DPY19L1: variants seen among roughly 807,000 people sequenced by gnomAD.
DPY19L1 encodes protein C-mannosyl-transferase DPY19L1.
In DPY19L1, 35 loss-of-function variants were observed where a neutral mutation model predicts 96.9. That is an observed-to-expected ratio of 0.36 (90% CI 0.28 to 0.48). DPY19L1 has a LOEUF of 0.48. DPY19L1 is among the 20% of genes least tolerant of loss of function. The pLI, the probability that DPY19L1 is intolerant of heterozygous loss-of-function variation, is 0.99. For missense variants in DPY19L1, 521 were observed against 777.9 expected (o/e 0.67, Z 3.93); for synonymous variants, 205 against 252.6 (o/e 0.81, Z 1.79).
At chr7:34,968,854 G>C (rs1784666331) in intron 9 of DPY19L1, among the ~76,000 whole-genome samples, 1 of 147,820 alleles carries the variant, frequency 6.8e-6, no homozygotes, top group South Asian at 2.2e-4. Context: ...ATAGTACGCA[G>C]GGAGAAAAAT....
At chr7:34,986,150 CA>C (rs1785042520) in intron 7 of DPY19L1, among the ~76,000 whole-genome samples, 1 of 151,914 alleles carries the variant, frequency 6.6e-6, no homozygotes, top group Non-Finnish European at 1.5e-5. Flanking sequence ...ACCAGAGGCT[CA>C]GGGGAGAGAT....
At chr7:34,999,886 T>C (rs1430117543) in intron 6 of DPY19L1, among the ~76,000 whole-genome samples, 1 of 152,188 alleles carries the variant, frequency 6.6e-6, no homozygotes. Context: ...GTCATAATAA[T>C]GTAACTGCGG....
At chr7:35,027,198 C>G (rs1786141205) in intron 1 of DPY19L1, among the ~76,000 whole-genome samples, 1 of 151,878 alleles carries the variant, frequency 6.6e-6, no homozygotes, top group African/African-American at 2.4e-5. Flanking sequence ...GAGCAAAACT[C>G]CGTCTCAAAG....
At chr7:34,993,461 C>T (rs1352828755) in intron 6 of DPY19L1, among the ~76,000 whole-genome samples, 1 of 151,206 alleles carries the variant, frequency 6.6e-6, no homozygotes, top group Non-Finnish European at 1.5e-5. Flanking sequence ...TGTTATCACA[C>T]TATTTTTATT....
intron 6 of DPY19L1, among the ~76,000 whole-genome samples, chr7:35,008,514 T>C (rs1308853583): frequency 2.6e-5 from 4 of 152,170 alleles, no homozygotes; most frequent in African/African-American, 4.8e-5. Flanking sequence ...CTTTAACGGA[T>C]GTTTACAAAT....
chr7:34,931,856 T>C, intron 21 of DPY19L1, 127 bp from the exon 22 acceptor site: 6 of 1,331,180 alleles, frequency 4.5e-6, no homozygotes, highest in Non-Finnish European at 6.0e-6. Context: ...TTTTAAACAA[T>C]CCTGTTACAT....
At chr7:35,008,160 C>T (rs1785610252) in intron 6 of DPY19L1, among the ~76,000 whole-genome samples, 1 of 152,106 alleles carries the variant, frequency 6.6e-6, no homozygotes, top group Admixed American at 6.5e-5. Flanking sequence ...GTAGCCCCTC[C>T]ATGCAGAACA....
intron 1 of DPY19L1, among the ~76,000 whole-genome samples, chr7:35,027,668 T>TGAAAAAAAAAAAAAAAAAA: frequency 1.4e-5 from 1 of 71,386 alleles, no homozygotes; most frequent in East Asian, 3.8e-4. Context: ...CCGTCTCTAC[T>TGAAAAAAAAAAAAAAAAAA]AAAAAAAAAA....
intron 3 of DPY19L1, among the ~76,000 whole-genome samples, chr7:35,016,338 CAT>C (rs1433392741): frequency 6.6e-6 from 1 of 152,138 alleles, no homozygotes; most frequent in Admixed American, 6.5e-5. Context: ...TCCATCATAT[CAT>C]AATGATACTC....
At chr7:34,942,209 A>G (rs1784035363) in intron 17 of DPY19L1, among the ~76,000 whole-genome samples, 1 of 152,186 alleles carries the variant, frequency 6.6e-6, no homozygotes, top group South Asian at 2.1e-4. Context: ...TGCTGCCTCA[A>G]GATCTGAGGG....
At position 34,938,011 on chromosome 7, in the gene DPY19L1, C is replaced by T. The variant is rs1783908444; in HGVS notation, c.2073G>A (p.Trp691Ter). ...KVNYYILEES[W>*]CVRRSKPGCS... ...ATACTCACTTGGATCTTCTTACACA[C>T]CATGACTCTTCTAGAATGTAATAGT... is the stretch of plus-strand genomic sequence containing the variant. The change falls in exon 21 of 22, where the codon TGG becomes TGA. Residue 691 changes from tryptophan to a stop codon, truncating the protein, a stop_gained. Transcript: ENST00000638088. LOFTEE classifies it high-confidence loss of function. 1 of 1,613,580 alleles carries T rather than the reference C, an allele frequency of 6.2e-7. No individual in the cohort carries two copies. The highest frequency in any genetic ancestry group is 1.3e-5 in the African/African-American group (1 of 74,916).
chr7:35,015,108 A>C (rs1179427344), intron 3 of DPY19L1, among the ~76,000 whole-genome samples: 2 of 152,196 alleles, frequency 1.3e-5, no homozygotes, highest in African/African-American at 4.8e-5. Context: ...AGCTTGTTGC[A>C]CTTCTTTATG....
At chr7:34,938,306 T>C (rs898451422) in intron 20 of DPY19L1, among the ~76,000 whole-genome samples, 187 bp from the exon 21 acceptor site, 1 of 152,186 alleles carries the variant, frequency 6.6e-6, no homozygotes, top group Admixed American at 6.5e-5. Flanking sequence ...GGAGGACAAG[T>C]TGTGGAGAAG....
chr7:35,011,541 A>G, intron 4 of DPY19L1, 91 bp from the exon 5 acceptor site: 2 of 1,279,824 alleles, frequency 1.6e-6, no homozygotes, highest in Middle Eastern at 2.8e-4. Context: ...CAATTACCAT[A>G]TTTTCCCTTT....
At chr7:34,961,461 G>A (rs1784500008) in intron 10 of DPY19L1, among the ~76,000 whole-genome samples, 1 of 152,118 alleles carries the variant, frequency 6.6e-6, no homozygotes, top group African/African-American at 2.4e-5. Context: ...AATAAATCTA[G>A]ACATAAGACT....
At chr7:35,014,022 A>G (rs1470221929) in intron 3 of DPY19L1, among the ~76,000 whole-genome samples, 2 of 152,232 alleles carry the variant, frequency 1.3e-5, no homozygotes, top group African/African-American at 4.8e-5. Context: ...AGAAAATGCT[A>G]TCTTATGAAT....
intron 3 of DPY19L1, among the ~76,000 whole-genome samples, chr7:35,016,656 C>A: frequency 6.6e-6 from 1 of 152,220 alleles, no homozygotes; most frequent in East Asian, 1.9e-4. Context: ...AGTGATCACT[C>A]TTAACATCAC....
chr7:34,959,927 A>ATATATATATATATATATT (rs1784466047), intron 10 of DPY19L1, among the ~76,000 whole-genome samples: 1 of 27,406 alleles, frequency 3.6e-5, no homozygotes. Context: ...ATATATATTT[A>ATATATATATATATATATT]TATATATATA....
intron 6 of DPY19L1, among the ~76,000 whole-genome samples, chr7:35,003,553 T>C (rs1785481399): frequency 6.6e-6 from 1 of 152,170 alleles, no homozygotes. Flanking sequence ...GGGTAAACAG[T>C]GGTGAATTTA....
Sources: allele counts gnomAD v4.1 joint callset (sites outside exome capture counted in the v4.1 genomes callset), GRCh38; gene constraint gnomAD v4.1.1; transcripts MANE v1.5; gene names NCBI Gene and HGNC (gene_info 2026-07-23, HGNC 2026-07-21).